PITPNB: variants seen among roughly 807,000 people sequenced by gnomAD.
PITPNB encodes phosphatidylinositol transfer protein beta.
In PITPNB, 16 loss-of-function variants were observed where a neutral mutation model predicts 45.9. The observed-to-expected ratio is 0.35, with a 90% CI of 0.24 to 0.53. The LOEUF (loss-of-function observed/expected upper bound fraction) is 0.53. Ranked by LOEUF, PITPNB falls within the 20% of genes least tolerant of loss-of-function variation. The pLI, the probability that PITPNB is intolerant of heterozygous loss-of-function variation, is 0.93. For synonymous variants in PITPNB, 112 were observed against 108.9 expected (o/e 1.03, Z -0.18); for missense variants, 188 against 330.5 (o/e 0.57, Z 3.34).
intron 9 of PITPNB, 92 bp downstream of exon 9, chr22:27,860,039 G>T: frequency 2.8e-6 from 2 of 716,392 alleles, no homozygotes. Flanking sequence ...TCATAAAGGA[G>T]GAAAAAAAGT....
At chr22:27,908,488 A>G (rs569563732) in intron 3 of PITPNB, among the ~76,000 whole-genome samples, 2 of 152,072 alleles carry the variant, frequency 1.3e-5, no homozygotes, top group Admixed American at 1.3e-4. Context: ...ATCTATTTCA[A>G]ATTTATTTAC....
In PITPNB at chr22:27,859,196, T is replaced by C. The variant is rs1934250012; in HGVS notation, c.646-687A>G. Reference sequence around the variant, plus strand: ...TAGAAAGGACTTTATCAATTACATATGTGACTTCTATTTATCAGAACTGGA... The same window carrying C: ...TAGAAAGGACTTTATCAATTACATACGTGACTTCTATTTATCAGAACTGGA... On this transcript the variant is annotated intron_variant, in intron 9 of 11. Transcript: ENST00000335272. 3.9e-5 allele frequency among the ~76,000 whole-genome samples: 6 copies of C among 152,220 alleles called. 1 individual carries two copies. Among genetic ancestry groups the C allele is most frequent in the Admixed American group, 3.3e-4 (5 of 15,290 alleles).
chr22:27,855,147 A>G (rs1934135210), intron 10 of PITPNB, among the ~76,000 whole-genome samples: 1 of 152,264 alleles, frequency 6.6e-6, no homozygotes, highest in African/African-American at 2.4e-5. Context: ...AGGTTTATCT[A>G]TCCTTAACTG....
intron 2 of PITPNB, 62 bp from the exon 3 acceptor site, chr22:27,911,171 C>T (rs1935910459): frequency 3.3e-6 from 4 of 1,198,660 alleles, no homozygotes; most frequent in Non-Finnish European, 4.9e-6. Flanking sequence ...ATTTAGTATG[C>T]TAAAATCTTA....
In PITPNB at chr22:27,861,685, G is replaced by A. The variant is rs115715518; in HGVS notation, c.535-1444C>T. ...ACAGCAGAGGCAGACTGCAAGTATG[G>A]TCTGGGGAAAAGAGCCATTCTGTAA... is the stretch of plus-strand genomic sequence containing the variant. On this transcript the variant is annotated intron_variant, in intron 8 of 11. Transcript: ENST00000335272. 6.8e-3 allele frequency among the ~76,000 whole-genome samples: 1,034 copies of A among 152,274 alleles called. 7 individuals carry two copies. Among genetic ancestry groups the A allele is most frequent in the African/African-American group, 0.023 (939 of 41,546 alleles).
At chr22:27,907,748 G>C (rs1935805692) in intron 3 of PITPNB, among the ~76,000 whole-genome samples, 1 of 152,098 alleles carries the variant, frequency 6.6e-6, no homozygotes, top group Non-Finnish European at 1.5e-5. Context: ...GACTTGATGT[G>C]GGTGTGGGAT....
chr22:27,864,672 T>C (rs945257507), intron 8 of PITPNB, among the ~76,000 whole-genome samples: 1 of 152,200 alleles, frequency 6.6e-6, no homozygotes, highest in African/African-American at 2.4e-5. Flanking sequence ...GTACAGTGGT[T>C]CACACCTGTA....
chr22:27,908,880 A>C (rs1935838127), intron 3 of PITPNB, among the ~76,000 whole-genome samples: 1 of 152,340 alleles, frequency 6.6e-6, no homozygotes, highest in East Asian at 1.9e-4. Context: ...CAACAGAAGC[A>C]AAGAAATGCT....
At chr22:27,853,762 T>G (rs1346701872) in intron 11 of PITPNB, 99 bp from the exon 12 acceptor site, 2 of 864,660 alleles carry the variant, frequency 2.3e-6, no homozygotes, top group Non-Finnish European at 3.8e-6. Context: ...ATCAAAACTT[T>G]TGGCAGAAAA....
chr22:27,856,243 C>T (rs1934168342), intron 10 of PITPNB, among the ~76,000 whole-genome samples: 1 of 152,226 alleles, frequency 6.6e-6, no homozygotes, highest in South Asian at 2.1e-4. Flanking sequence ...TAATCAGTTT[C>T]AGCAATGTGG....
At chr22:27,905,297 GCCA>G (rs1935724390) in intron 3 of PITPNB, among the ~76,000 whole-genome samples, 1 of 152,098 alleles carries the variant, frequency 6.6e-6, no homozygotes, top group Non-Finnish European at 1.5e-5. Context: ...ACAGGTGCCT[GCCA>G]CCACATTCCG....
intron 3 of PITPNB, among the ~76,000 whole-genome samples, chr22:27,904,706 G>GA (rs1215436609): frequency 1.3e-5 from 2 of 152,268 alleles, no homozygotes; most frequent in East Asian, 3.9e-4. Flanking sequence ...CTAAGAGAGA[G>GA]AAGGTAACTT....
chr22:27,887,809 G>A (rs369697139), intron 7 of PITPNB, among the ~76,000 whole-genome samples: 2 of 152,098 alleles, frequency 1.3e-5, no homozygotes, highest in Non-Finnish European at 2.9e-5. Context: ...AAGCAGAACC[G>A]CTAACCTGCT....
intron 7 of PITPNB, among the ~76,000 whole-genome samples, chr22:27,893,469 G>A (rs1935344221): frequency 6.6e-6 from 1 of 151,410 alleles, no homozygotes; most frequent in South Asian, 2.1e-4. Context: ...ATTTTTAGTA[G>A]AGAAGGGGTT....
chr22:27,908,103 G>A (rs1338697038), intron 3 of PITPNB, among the ~76,000 whole-genome samples: 1 of 151,584 alleles, frequency 6.6e-6, no homozygotes, highest in Non-Finnish European at 1.5e-5. Flanking sequence ...TATTTATCTA[G>A]CCCTCTTCAA....
intron 3 of PITPNB, among the ~76,000 whole-genome samples, chr22:27,908,680 T>C (rs1253448171): frequency 6.6e-6 from 1 of 152,062 alleles, no homozygotes; most frequent in East Asian, 1.9e-4. Flanking sequence ...GAAAGCTGAG[T>C]ATATATAAGC....
intron 7 of PITPNB, among the ~76,000 whole-genome samples, chr22:27,875,797 G>A (rs904875852): frequency 1.3e-5 from 2 of 152,068 alleles, no homozygotes; most frequent in Non-Finnish European, 2.9e-5. Flanking sequence ...TAAAGTAAAA[G>A]AGAACTAACA....
chr22:27,909,485 A>C (rs575362887), intron 3 of PITPNB, among the ~76,000 whole-genome samples: 2 of 152,292 alleles, frequency 1.3e-5, no homozygotes, highest in Admixed American at 6.5e-5. Context: ...AAAGCATATG[A>C]AGAGTCAAAA....
At chr22:27,872,512 T>C (rs1934698927) in intron 8 of PITPNB, among the ~76,000 whole-genome samples, 2 of 152,146 alleles carry the variant, frequency 1.3e-5, no homozygotes, top group African/African-American at 4.8e-5. Context: ...AGAGAACAAA[T>C]GTGAAAATAA....
Sources: gnomAD v4.1 joint callset for allele counts (sites outside exome capture counted in the v4.1 genomes callset) on GRCh38, gnomAD v4.1.1 for gene constraint, MANE v1.5 for transcripts, NCBI Gene and HGNC (gene_info 2026-07-23, HGNC 2026-07-21) for gene names.